MAPRE2: variants seen among roughly 807,000 people sequenced by gnomAD.
MAPRE2 encodes microtubule-associated protein RP/EB family member 2.
MAPRE2 carries 13 observed loss-of-function variants against 43.2 expected under a neutral mutation model. The observed-to-expected ratio is 0.30, with a 90% CI of 0.20 to 0.48. The LOEUF (loss-of-function observed/expected upper bound fraction) is 0.48. MAPRE2 is among the 20% of genes least tolerant of loss of function. The pLI is 0.99. For missense variants in MAPRE2, 161 were observed against 400.2 expected (o/e 0.40, Z 5.10); for synonymous variants, 135 against 148.8 (o/e 0.91, Z 0.68).
chr18:35,063,788 G>A (rs1362677302), intron 1 of MAPRE2, among the ~76,000 whole-genome samples: 1 of 151,930 alleles, frequency 6.6e-6, no homozygotes, highest in Non-Finnish European at 1.5e-5. Context: ...TTTGAGCCCA[G>A]GAATTCATGA....
At chr18:35,122,331 T>C (rs770026541) in intron 4 of MAPRE2, among the ~76,000 whole-genome samples, 17 of 152,226 alleles carry the variant, frequency 1.1e-4, no homozygotes, top group Non-Finnish European at 1.8e-4. Context: ...TTTTTTGTTG[T>C]AGTTGTTGTT....
At chr18:34,998,544 G>A (rs560383666) in intron 1 of MAPRE2, among the ~76,000 whole-genome samples, 5 of 151,892 alleles carry the variant, frequency 3.3e-5, no homozygotes, top group Admixed American at 2.0e-4. Flanking sequence ...AGCCAGGATG[G>A]TCTCGATCTC....
intron 6 of MAPRE2, among the ~76,000 whole-genome samples, chr18:35,132,846 G>A (rs1160295772): frequency 6.6e-6 from 1 of 152,218 alleles, no homozygotes; most frequent in Admixed American, 6.5e-5. Flanking sequence ...GAAGCAAGGA[G>A]AGAAAGCGGG....
At chr18:35,047,489 A>T (rs1247262679) in intron 1 of MAPRE2, among the ~76,000 whole-genome samples, 1 of 152,092 alleles carries the variant, frequency 6.6e-6, no homozygotes, top group Admixed American at 6.5e-5. Flanking sequence ...GGTCTTTATT[A>T]TTAGATTGAG....
chr18:35,105,191 C>A (rs1187661991), intron 4 of MAPRE2, among the ~76,000 whole-genome samples: 3 of 152,040 alleles, frequency 2.0e-5, no homozygotes, highest in South Asian at 2.1e-4. Flanking sequence ...TAGAGCTTAA[C>A]CTCTTGGGTG....
chr18:35,111,716 A>C (rs1255305916), intron 4 of MAPRE2, among the ~76,000 whole-genome samples: 1 of 152,234 alleles, frequency 6.6e-6, no homozygotes, highest in Non-Finnish European at 1.5e-5. Flanking sequence ...TTATTATTGC[A>C]AAGTGGCACT....
At chr18:35,066,301 G>T (rs1027400816) in intron 1 of MAPRE2, among the ~76,000 whole-genome samples, 3 of 152,144 alleles carry the variant, frequency 2.0e-5, no homozygotes, top group Non-Finnish European at 4.4e-5. Context: ...TTCCTGCCCT[G>T]CTTTCCTCCC....
chr18:35,047,082 T>TAG (rs1293691462), intron 1 of MAPRE2, among the ~76,000 whole-genome samples: 1 of 152,220 alleles, frequency 6.6e-6, no homozygotes, highest in African/African-American at 2.4e-5. Context: ...CCAATTCCTC[T>TAG]GACAGTTAGA....
intron 1 of MAPRE2, among the ~76,000 whole-genome samples, chr18:35,061,506 G>A (rs1391705066): frequency 6.6e-6 from 1 of 152,164 alleles, no homozygotes; most frequent in Non-Finnish European, 1.5e-5. Context: ...TGTGCCTGGA[G>A]GAGTTGGTCT....
intron 2 of MAPRE2, among the ~76,000 whole-genome samples, chr18:35,086,390 T>C (rs1455170528): frequency 6.6e-6 from 1 of 151,940 alleles, no homozygotes; most frequent in Non-Finnish European, 1.5e-5. Flanking sequence ...ATGAAATTCT[T>C]ATGAGTGTAT....
intron 1 of MAPRE2, among the ~76,000 whole-genome samples, chr18:34,998,207 T>C (rs1007675714): frequency 6.6e-6 from 1 of 152,192 alleles, no homozygotes; most frequent in Admixed American, 6.5e-5. Context: ...TTTGTTGTTA[T>C]GTCAGCATCC....
At chr18:35,136,478 G>A (rs504136) in intron 6 of MAPRE2, among the ~76,000 whole-genome samples, 61,687 of 152,110 alleles carry the variant, frequency 0.41, 16,133 homozygotes, top group African/African-American at 0.74. Context: ...GTGATAATGG[G>A]GACATAAATA....
In MAPRE2 at chr18:35,041,665, A is replaced by G; in HGVS notation, c.122+4A>G. 5.6e-6 allele frequency: 9 copies of G among 1,614,166 alleles called. No individual in the cohort carries two copies. Among genetic ancestry groups the G allele is most frequent in the African/African-American group, 1.3e-5 (1 of 75,054 alleles). On this transcript the variant is annotated splice_donor_region_variant and intron_variant, in intron 1 of 6. Coordinates refer to ENST00000300249, the MANE Select transcript of MAPRE2 (RefSeq NM_014268.4). ...TGCGCGGGGAGCGTTCCTACAGGTA[A>G]TGGGGCTGGCACGAGAGCAGCGCCG...
At position 35,070,428 on chromosome 18, in the gene MAPRE2, A is replaced by G. The variant is rs1043591146; in HGVS notation, c.250+106A>G. On this transcript the variant is annotated intron_variant, in intron 2 of 6. Transcript: ENST00000300249. ...ATATTTTGGGTAGGAAAAAGTATATATTGCTATTGGCATGTAATTAAAGGG... is the reference window on the plus strand; with the variant it reads ...ATATTTTGGGTAGGAAAAAGTATATGTTGCTATTGGCATGTAATTAAAGGG... 6.2e-6 allele frequency: 6 copies of G among 970,810 alleles called. No individual in the cohort carries two copies. In the Admixed American group the frequency reaches 9.1e-5, roughly 15 times the overall value. The allele number at this position is 970,810 out of a possible 1,614,324, so 60.1% of individuals were successfully genotyped here.
At chr18:35,104,560 G>A (rs756472385) in intron 4 of MAPRE2, among the ~76,000 whole-genome samples, 8 of 151,972 alleles carry the variant, frequency 5.3e-5, no homozygotes, top group East Asian at 3.9e-4. Flanking sequence ...GGAGTATGAC[G>A]CTAAAGCTGA....
chr18:34,985,553 T>A (rs1376528861), intron 1 of MAPRE2, among the ~76,000 whole-genome samples: 5 of 61,618 alleles, frequency 8.1e-5, no homozygotes, highest in Non-Finnish European at 1.1e-4. Context: ...ATATATATAT[T>A]ATATATTATA....
intron 2 of MAPRE2, among the ~76,000 whole-genome samples, chr18:35,083,868 G>T (rs1907752946): frequency 6.6e-6 from 1 of 151,946 alleles, no homozygotes; most frequent in African/African-American, 2.4e-5. Flanking sequence ...TCTTAATCAA[G>T]GGCTATTTGT....
chr18:34,988,234 T>C (rs1325989097), intron 1 of MAPRE2, among the ~76,000 whole-genome samples: 1 of 152,192 alleles, frequency 6.6e-6, no homozygotes, highest in African/African-American at 2.4e-5. Context: ...TTAAAGTTTT[T>C]AAAAGTAACA....
At chr18:35,067,099 G>C (rs1233401976) in intron 1 of MAPRE2, among the ~76,000 whole-genome samples, 3 of 152,152 alleles carry the variant, frequency 2.0e-5, no homozygotes. Context: ...CTTAACACAT[G>C]GTAGCCCCTG....
Sources: gnomAD v4.1 joint callset for allele counts (sites outside exome capture counted in the v4.1 genomes callset) on GRCh38, gnomAD v4.1.1 for gene constraint, MANE v1.5 for transcripts, NCBI Gene and HGNC (gene_info 2026-07-23, HGNC 2026-07-21) for gene names.